ZNF665: variants seen among roughly 807,000 people sequenced by gnomAD.
ZNF665 encodes the protein zinc finger protein 665.
ZNF665 carries 6 observed loss-of-function variants against 7.9 expected under a neutral mutation model. The ratio of observed to expected loss-of-function variants is 0.76; its 90% confidence interval spans 0.42 to 1.50. The LOEUF is 1.50. Ranked by LOEUF, ZNF665 falls within the 40% of genes most tolerant of loss-of-function variation. The pLI, the probability that ZNF665 is intolerant of heterozygous loss-of-function variation, is 0.01. For missense variants in ZNF665, 819 were observed against 806.7 expected, an observed-to-expected ratio of 1.02 and a Z score of -0.18; for synonymous variants, 242 against 274.5, an observed-to-expected ratio of 0.88 and a Z score of 1.17.
At position 53,165,718 on chromosome 19, in the gene ZNF665, C is replaced by T. The variant is rs948901557; in HGVS notation, c.772G>A (p.Gly258Arg). Residue 258 changes from glycine to arginine, a missense_variant, in exon 4 of 4, where the codon GGA (glycine) becomes AGA (arginine). Coordinates refer to ENST00000396424, the MANE Select transcript of ZNF665 (RefSeq NM_024733.5). The part of the protein sequence containing the change: ...NLAGHQRIHT[G>R]EKPYKCNECG... ...TCATTACACTTGTAAGGTTTCTCTC[C>T]AGTATGAATTCTCTGATGACCTGCA... 29 of 1,614,040 alleles carry T rather than the reference C, an allele frequency of 1.8e-5. No individual in the cohort carries two copies. The highest frequency in any genetic ancestry group is 2.3e-5 in the Non-Finnish European group (27 of 1,180,048).
At chr19:53,170,583 T>G (rs971156479) in intron 3 of ZNF665, among the ~76,000 whole-genome samples, 9 of 152,228 alleles carry the variant, frequency 5.9e-5, no homozygotes, top group Non-Finnish European at 1.3e-4. Context: ...CAAAATATCC[T>G]CGGGGTCCAT....
intron 3 of ZNF665, among the ~76,000 whole-genome samples, chr19:53,174,946 A>C (rs1263405268): frequency 1.3e-4 from 17 of 135,716 alleles, no homozygotes; most frequent in Non-Finnish European, 2.4e-4. Context: ...ACTCCGTCTC[A>C]AAAAAAAAAA....
chr19:53,174,797 G>A (rs935178083), intron 3 of ZNF665, among the ~76,000 whole-genome samples: 2 of 152,002 alleles, frequency 1.3e-5, no homozygotes, highest in African/African-American at 2.4e-5. Context: ...AAATTAGCTC[G>A]GCATGGTGGC....
chr19:53,189,162 G>T (rs975855383), intron 1 of ZNF665, among the ~76,000 whole-genome samples: 3 of 151,772 alleles, frequency 2.0e-5, no homozygotes, highest in Admixed American at 6.6e-5. Context: ...CAGTGGAGGA[G>T]GGAGCCACAC....
chr19:53,182,658 G>A lies in ZNF665; in HGVS notation c.15+226C>T, dbSNP rs551642287. 459 of 921,758 alleles carry A rather than the reference G, an allele frequency of 5.0e-4. 3 individuals carry two copies. Among genetic ancestry groups the A allele is most frequent in the Middle Eastern group, 3.9e-3 (15 of 3,862 alleles). The allele number at this position is 921,758 out of a possible 1,614,324, so 57.1% of individuals were successfully genotyped here. A position where few individuals can be genotyped will look rare whatever the true frequency, so the allele number is the denominator to read the frequency against. On this transcript the variant is annotated intron_variant, in intron 2 of 3. Coordinates refer to ENST00000396424, the MANE Select transcript of ZNF665 (RefSeq NM_024733.5). ...CCCGTCTCCATCCATGTCGGGGTGT[G>A]AGCCCTTCCCAGGTCCATGCCCCGT... is the stretch of plus-strand genomic sequence containing the variant.
In ZNF665 at chr19:53,164,634, ATTC is replaced by A. The variant is rs1473438842; in HGVS notation, c.1853_1855del (p.Arg618del). The A allele has an allele frequency of 3.1e-6, 5 of 1,612,796 alleles. No homozygotes were observed. The highest frequency in any genetic ancestry group is 1.1e-5 in the South Asian group (1 of 91,006). ...CCTATAAGGTTTTTCTCCAGTGTGAATTCTTCTATGATTTGCAAGATGTGAATT... is the reference window on the plus strand; with the variant it reads ...CCTATAAGGTTTTTCTCCAGTGTGAATTCTATGATTTGCAAGATGTGAATT... On this transcript the variant is annotated inframe_deletion, in exon 4 of 4. Transcript: ENST00000396424.
intron 3 of ZNF665, among the ~76,000 whole-genome samples, chr19:53,173,504 A>T (rs2090674530): frequency 6.7e-6 from 1 of 150,128 alleles, no homozygotes; most frequent in Non-Finnish European, 1.5e-5. Context: ...CCTCCCAAGT[A>T]GCTGGGACTA....
In ZNF665 at chr19:53,165,070, C is replaced by T. The variant is rs1314025206; in HGVS notation, c.1420G>A (p.Ala474Thr). 1 of 1,614,094 alleles carries T rather than the reference C, an allele frequency of 6.2e-7. No individual in the cohort carries two copies. Among genetic ancestry groups the T allele is most frequent in the South Asian group, 1.1e-5 (1 of 91,088 alleles). ...CCAGAATGAATTCCCCGATGACTTGCAAGGTGTGAATTTTGTGTGAAGACC... is the reference window on the plus strand; with the variant it reads ...CCAGAATGAATTCCCCGATGACTTGTAAGGTGTGAATTTTGTGTGAAGACC... ...GKVFTQNSHLASHRGIHSGEK... is the reference protein window; with the variant it reads ...GKVFTQNSHLTSHRGIHSGEK... The change falls in exon 4 of 4, where the codon GCA (alanine) becomes ACA (threonine). Residue 474 changes from alanine to threonine, a missense_variant. Physicochemically the swap from Ala to Thr is moderately conservative, Grantham distance 58. Coordinates refer to ENST00000396424, the MANE Select transcript of ZNF665 (RefSeq NM_024733.5).
intron 3 of ZNF665, among the ~76,000 whole-genome samples, chr19:53,168,376 AG>A (rs1342988865): frequency 2.6e-5 from 4 of 152,198 alleles, no homozygotes; most frequent in Non-Finnish European, 4.4e-5. Context: ...TTAAATACTT[AG>A]AGAAAAGTCC....
At chr19:53,177,589 T>C (rs541643102) in intron 2 of ZNF665, among the ~76,000 whole-genome samples, 1 of 151,414 alleles carries the variant, frequency 6.6e-6, no homozygotes, top group Non-Finnish European at 1.5e-5. Flanking sequence ...CCAGCACAAG[T>C]TTATCTCTAC....
intron 3 of ZNF665, among the ~76,000 whole-genome samples, chr19:53,171,584 C>G (rs2146850969): frequency 7.2e-6 from 1 of 138,268 alleles, no homozygotes; most frequent in South Asian, 2.3e-4. Context: ...GGCTGGAGTG[C>G]AGTGGCGTGA....
In ZNF665 at chr19:53,165,564, C is replaced by T. The variant is rs769803619; in HGVS notation, c.926G>A (p.Arg309Gln). The T allele has an allele frequency of 2.5e-5, 41 of 1,612,818 alleles. No individual in the cohort carries two copies. The highest frequency in any genetic ancestry group is 7.7e-5 in the South Asian group (7 of 91,008). ...AGGCTTCTCCCCAGTATGAATTCTTCGATGACTTGCAAGGTGTGAATTTTG... is the reference window on the plus strand; with the variant it reads ...AGGCTTCTCCCCAGTATGAATTCTTTGATGACTTGCAAGGTGTGAATTTTG... ...FTQNSHLASHRRIHTGEKPYK... is the reference protein window; with the variant it reads ...FTQNSHLASHQRIHTGEKPYK... The change falls in exon 4 of 4, where the codon CGA becomes CAA. Residue 309 changes from arginine to glutamine, a missense_variant. Coordinates refer to ENST00000396424, the MANE Select transcript of ZNF665 (RefSeq NM_024733.5).
At chr19:53,184,259 G>C (rs1036780970) in intron 1 of ZNF665, among the ~76,000 whole-genome samples, 6 of 151,996 alleles carry the variant, frequency 3.9e-5, no homozygotes, top group Non-Finnish European at 8.8e-5. Context: ...CAAAAAAAAA[G>C]ACTAGAAGAA....
chr19:53,184,485 C>A (rs1307773316), intron 1 of ZNF665, among the ~76,000 whole-genome samples: 1 of 152,062 alleles, frequency 6.6e-6, no homozygotes, highest in Non-Finnish European at 1.5e-5. Context: ...GGTGGAGATG[C>A]CTGTTCCACC....
At chr19:53,189,844 G>C (rs576075689) in intron 1 of ZNF665, among the ~76,000 whole-genome samples, 4 of 152,098 alleles carry the variant, frequency 2.6e-5, no homozygotes, top group African/African-American at 9.6e-5. Flanking sequence ...GCTACCCCTA[G>C]ACCACGGTCC....
At chr19:53,171,504 G>GTGTGTGTGTATATATATATATA (rs140482885) in intron 3 of ZNF665, among the ~76,000 whole-genome samples, 4 of 57,772 alleles carry the variant, frequency 6.9e-5, no homozygotes, top group Non-Finnish European at 9.9e-5. Flanking sequence ...GTGTGTGTGT[G>GTGTGTGTGTATATATATATATA]TATATATATA....
At chr19:53,175,796 G>T (rs529964005) in intron 2 of ZNF665, among the ~76,000 whole-genome samples, 1 of 152,154 alleles carries the variant, frequency 6.6e-6, no homozygotes, top group Non-Finnish European at 1.5e-5. Flanking sequence ...ATGTCAGTGA[G>T]GCTAACTGGT....
intron 1 of ZNF665, among the ~76,000 whole-genome samples, chr19:53,192,355 C>T (rs1206510999): frequency 6.6e-6 from 1 of 152,118 alleles, no homozygotes; most frequent in Non-Finnish European, 1.5e-5. Flanking sequence ...CTTGCTGTCC[C>T]AGCACCACGC....
intron 3 of ZNF665, among the ~76,000 whole-genome samples, chr19:53,172,241 C>T (rs1232996629): frequency 6.6e-6 from 1 of 151,990 alleles, no homozygotes; most frequent in Non-Finnish European, 1.5e-5. Context: ...ATAAGATGAC[C>T]CATGGAATTC....
Sources: gnomAD v4.1 joint callset for allele counts (sites outside exome capture counted in the v4.1 genomes callset) on GRCh38, gnomAD v4.1.1 for gene constraint, MANE v1.5 for transcripts, NCBI Gene and HGNC (gene_info 2026-07-23, HGNC 2026-07-21) for gene names.